PRKG1: variants seen among roughly 807,000 people sequenced by gnomAD.
The protein encoded by PRKG1 is cGMP-dependent protein kinase 1.
A neutral mutation model predicts 88.1 loss-of-function variants in PRKG1; 35 were observed. The ratio of observed to expected loss-of-function variants is 0.40; its 90% confidence interval spans 0.30 to 0.53. PRKG1 has a LOEUF of 0.53. Ranked by LOEUF, PRKG1 falls within the 20% of genes least tolerant of loss-of-function variation. The pLI, the probability that PRKG1 is intolerant of heterozygous loss-of-function variation, is 0.59. For missense variants in PRKG1, 540 were observed against 839.8 expected (o/e 0.64, Z 4.41); for synonymous variants, 303 against 292.5 (o/e 1.04, Z -0.37).
intron 2 of PRKG1, among the ~76,000 whole-genome samples, chr10:51,213,730 G>T (rs1216765728): frequency 1.3e-5 from 2 of 152,042 alleles, no homozygotes; most frequent in African/African-American, 4.8e-5. Flanking sequence ...CTGAATCTTT[G>T]GTTCTTCTGA....
intron 2 of PRKG1, among the ~76,000 whole-genome samples, chr10:51,183,602 T>TA (rs1261864965): frequency 6.6e-6 from 1 of 152,164 alleles, no homozygotes; most frequent in Non-Finnish European, 1.5e-5. Flanking sequence ...TAAATCTACT[T>TA]ACCCAAGATC....
At chr10:51,309,515 G>C (rs1252383249) in intron 2 of PRKG1, among the ~76,000 whole-genome samples, 4 of 152,084 alleles carry the variant, frequency 2.6e-5, no homozygotes, top group African/African-American at 9.7e-5. Flanking sequence ...CTAATCATCA[G>C]AAAAGAGCAA....
intron 14 of PRKG1, among the ~76,000 whole-genome samples, chr10:52,285,194 C>G (rs1465467760): frequency 6.6e-6 from 1 of 152,038 alleles, no homozygotes; most frequent in Non-Finnish European, 1.5e-5. Flanking sequence ...ATCTCCCCCA[C>G]CAACTTAGGA....
chr10:51,093,548 C>G (rs999953793), intron 1 of PRKG1, among the ~76,000 whole-genome samples: 5 of 151,570 alleles, frequency 3.3e-5, no homozygotes, highest in African/African-American at 1.2e-4. Flanking sequence ...TTATGGTATA[C>G]TATAGGTTTG....
At chr10:51,643,195 A>T (rs995119367) in intron 3 of PRKG1, among the ~76,000 whole-genome samples, 3 of 152,184 alleles carry the variant, frequency 2.0e-5, no homozygotes, top group Non-Finnish European at 1.5e-5. Context: ...CATATTTGAG[A>T]ATATAACATC....
chr10:51,772,215 T>C (rs1007755885), intron 3 of PRKG1, among the ~76,000 whole-genome samples: 2 of 152,172 alleles, frequency 1.3e-5, no homozygotes, highest in African/African-American at 2.4e-5. Flanking sequence ...TTTGGAAATA[T>C]GTGTCAAACA....
intron 1 of PRKG1, among the ~76,000 whole-genome samples, chr10:51,077,513 G>GC (rs1234026780): frequency 6.6e-6 from 1 of 152,108 alleles, no homozygotes; most frequent in African/African-American, 2.4e-5. Context: ...GTTGCCTTCT[G>GC]AGGATTATAA....
chr10:51,579,216 T>A (rs112598831), intron 3 of PRKG1, among the ~76,000 whole-genome samples: 32,035 of 151,558 alleles, frequency 0.21, 4,834 homozygotes, highest in African/African-American at 0.43. Flanking sequence ...CCCTGACCTC[T>A]AGTGATCTGC....
At chr10:52,142,800 G>T (rs1319473761) in intron 8 of PRKG1, among the ~76,000 whole-genome samples, 1 of 152,064 alleles carries the variant, frequency 6.6e-6, no homozygotes, top group Non-Finnish European at 1.5e-5. Flanking sequence ...GATTTTCATT[G>T]TACCGTCCTT....
rs566144874 is a variant in PRKG1 at position 51,439,559 on chromosome 10, A to C, written c.479-28164A>C. Among the ~76,000 whole-genome samples the C allele has an allele frequency of 3.9e-5, 6 of 151,924 alleles. No individual in the cohort carries two copies. The South Asian group carries it at 1.2e-3, about 31-fold the overall frequency. ...CCTAAAAACCTCAGCTTGGTATTAT[A>C]CTTTAACAGTAGAAATATCGGTGGA... On this transcript the variant is annotated intron_variant, in intron 2 of 17. Transcript: ENST00000373980.
chr10:51,357,996 T>G (rs1842402793), intron 2 of PRKG1, among the ~76,000 whole-genome samples: 1 of 151,954 alleles, frequency 6.6e-6, no homozygotes, highest in Admixed American at 6.6e-5. Flanking sequence ...AAAAGGTTAT[T>G]TATCCATTGT....
intron 1 of PRKG1, among the ~76,000 whole-genome samples, chr10:51,092,464 T>G (rs950485967): frequency 4.6e-5 from 7 of 152,138 alleles, no homozygotes; most frequent in African/African-American, 1.4e-4. Flanking sequence ...CCAACCCCAG[T>G]GGGACATAAC....
At chr10:52,127,645 T>A (rs778365911) in intron 7 of PRKG1, among the ~76,000 whole-genome samples, 6 of 152,142 alleles carry the variant, frequency 3.9e-5, no homozygotes, top group Non-Finnish European at 8.8e-5. Flanking sequence ...AGGGGTCACA[T>A]GCTTCCCCAT....
intron 2 of PRKG1, among the ~76,000 whole-genome samples, chr10:51,230,416 G>A (rs1838812656): frequency 6.6e-6 from 1 of 152,122 alleles, no homozygotes; most frequent in Non-Finnish European, 1.5e-5. Context: ...TTTACTTACT[G>A]TTGGTATTTT....
rs375912149 is a variant in PRKG1 at position 51,856,812 on chromosome 10, A to G, written c.699-50695A>G. 6.8e-4 allele frequency among the ~76,000 whole-genome samples: 104 copies of G among 152,044 alleles called. 2 individuals carry two copies. Among genetic ancestry groups the G allele is most frequent in the African/African-American group, 2.5e-3 (102 of 41,494 alleles). On this transcript the variant is annotated intron_variant, in intron 4 of 17. Coordinates refer to ENST00000373980, the MANE Select transcript of PRKG1 (RefSeq NM_006258.4). ...AACCCCGTCTCTACTACAAATACAA[A>G]AAATTAGCCAGGCATGGTGGCGGGT...
Position 51,446,992 on chromosome 10 carries a change from T to C in PRKG1, c.479-20731T>C, listed in dbSNP as rs1173753742. Among the ~76,000 whole-genome samples, 2 of 152,038 alleles carry C rather than the reference T, an allele frequency of 1.3e-5. 1 individual carries two copies. Among genetic ancestry groups the C allele is most frequent in the African/African-American group, 4.8e-5 (2 of 41,432 alleles). On this transcript the variant is annotated intron_variant, in intron 2 of 17. Coordinates refer to ENST00000373980, the MANE Select transcript of PRKG1 (RefSeq NM_006258.4). ...AAAGTAGTACACATCTGCAAGCCTC[T>C]TTCTAGAACTCTTGGCACCAGTTGT...
intron 3 of PRKG1, among the ~76,000 whole-genome samples, chr10:51,762,320 A>T (rs1224829229): frequency 6.6e-6 from 1 of 152,178 alleles, no homozygotes; most frequent in African/African-American, 2.4e-5. Flanking sequence ...TCATATTTGG[A>T]TAACACATAC....
chr10:51,944,681 C>T (rs1842985827), intron 5 of PRKG1, among the ~76,000 whole-genome samples: 1 of 152,066 alleles, frequency 6.6e-6, no homozygotes, highest in South Asian at 2.1e-4. Flanking sequence ...TTTCAAAGAA[C>T]ATCTTTATTT....
chr10:51,838,079 C>A (rs555750080), intron 4 of PRKG1, among the ~76,000 whole-genome samples: 1 of 151,982 alleles, frequency 6.6e-6, no homozygotes, highest in Non-Finnish European at 1.5e-5. Flanking sequence ...CATATCAATA[C>A]AATTCATTAA....
Sources: allele counts gnomAD v4.1 joint callset (sites outside exome capture counted in the v4.1 genomes callset), GRCh38; gene constraint gnomAD v4.1.1; transcripts MANE v1.5; gene names NCBI Gene and HGNC (gene_info 2026-07-23, HGNC 2026-07-21).